The following GDA variants were observed in gnomAD, a reference collection of about 807,000 sequenced individuals.
GDA encodes guanine deaminase.
GDA carries 18 observed loss-of-function variants against 59.6 expected under a neutral mutation model. The observed-to-expected ratio is 0.30, with a 90% CI of 0.21 to 0.45. The LOEUF is 0.45. GDA is among the 20% of genes least tolerant of loss of function. The pLI is 1.00. For synonymous variants in GDA, 201 were observed against 201.1 expected, an observed-to-expected ratio of 1.00 and a Z score of 0.00; for missense variants, 427 against 552.3, an observed-to-expected ratio of 0.77 and a Z score of 2.27.
At chr9:72,158,220 T>A (rs139149503) in intron 1 of GDA, among the ~76,000 whole-genome samples, 4 of 152,266 alleles carry the variant, frequency 2.6e-5, no homozygotes, top group African/African-American at 9.6e-5. Flanking sequence ...AGAGTCAGAT[T>A]ATGTGAATTC....
chr9:72,210,827 A>G (rs1835261403), intron 4 of GDA, 53 bp downstream of exon 4: 3 of 1,092,752 alleles, frequency 2.7e-6, no homozygotes, highest in East Asian at 2.4e-5. Flanking sequence ...CAGCCAGACC[A>G]TCGTGGCAAA....
intron 6 of GDA, 39 bp from the exon 7 acceptor site, chr9:72,223,081 T>G (rs377411916): frequency 1.0e-6 from 1 of 990,562 alleles, no homozygotes; most frequent in East Asian, 2.4e-5. Flanking sequence ...TTGTATATGA[T>G]GTAAGGAAGA....
chr9:72,118,273 C>CAAAAAAA (rs373179585), intron 1 of GDA, among the ~76,000 whole-genome samples: 767 of 66,118 alleles, frequency 0.012, 27 homozygotes, highest in Middle Eastern at 0.036. Context: ...GACTCCACCT[C>CAAAAAAA]AAAAAAAAAA....
chr9:72,183,971 A>G (rs1831577094), intron 1 of GDA, among the ~76,000 whole-genome samples: 1 of 152,170 alleles, frequency 6.6e-6, no homozygotes, highest in South Asian at 2.1e-4. Flanking sequence ...GACTGTCTAT[A>G]CCTTATACCA....
At chr9:72,169,707 C>G (rs1475704704) in intron 1 of GDA, among the ~76,000 whole-genome samples, 2 of 152,126 alleles carry the variant, frequency 1.3e-5, no homozygotes, top group Non-Finnish European at 2.9e-5. Flanking sequence ...ACAAACTGGA[C>G]CAACATTTTG....
At position 72,193,532 on chromosome 9, in the gene GDA, C is replaced by T. The variant is rs148289294; in HGVS notation, c.124-1968C>T. 2.4e-3 allele frequency among the ~76,000 whole-genome samples: 370 copies of T among 152,376 alleles called. 1 individual carries two copies. The highest frequency in any genetic ancestry group is 4.3e-3 in the Non-Finnish European group (290 of 68,040). The stretch of plus-strand genomic sequence containing the variant: ...GCTCGGGGTAGAGTGACACAAGCAC[C>T]CTTGTGGCCACAATCACCCTTATGG... On this transcript the variant is annotated intron_variant, in intron 1 of 13. Coordinates refer to ENST00000358399, the MANE Select transcript of GDA (RefSeq NM_004293.5).
chr9:72,149,422 G>T, upstream of GDA: 1 of 1,029,886 alleles, frequency 9.7e-7, no homozygotes, highest in South Asian at 1.7e-5. Flanking sequence ...ACCGGCAACC[G>T]CCCGGGTAAG....
chr9:72,215,774 G>A (rs1384440677), intron 5 of GDA, among the ~76,000 whole-genome samples: 2 of 152,098 alleles, frequency 1.3e-5, no homozygotes, highest in Non-Finnish European at 2.9e-5. Context: ...AGCCTACTTT[G>A]GAAAGATTTC....
chr9:72,149,516 C>A lies in GDA; in HGVS notation c.-44C>A. ...AGTCCCGCTGCGTCTCCGCCGCGTG[C>A]GCCCTCCTCGACCAGCAGACCCGCG... On this transcript the variant is annotated 5_prime_UTR_variant, in exon 1 of 14. Transcript: ENST00000358399. 1 of 1,600,960 alleles carries A rather than the reference C, an allele frequency of 6.2e-7. No individual in the cohort carries two copies.
At chr9:72,151,526 G>T (rs892139107) in intron 1 of GDA, among the ~76,000 whole-genome samples, 1 of 151,806 alleles carries the variant, frequency 6.6e-6, no homozygotes, top group Non-Finnish European at 1.5e-5. Flanking sequence ...AACATTTCAA[G>T]GTTCAAAAAA....
chr9:72,225,210 G>A (rs1837399850), intron 7 of GDA, among the ~76,000 whole-genome samples: 1 of 152,204 alleles, frequency 6.6e-6, no homozygotes, highest in Non-Finnish European at 1.5e-5. Flanking sequence ...GAACCTGGGA[G>A]GCAGAGGTTG....
upstream of GDA, among the ~76,000 whole-genome samples, chr9:72,144,603 G>A (rs1826555374): frequency 6.6e-6 from 1 of 152,118 alleles, no homozygotes; most frequent in Non-Finnish European, 1.5e-5. Context: ...TATTTATAGG[G>A]ACTAGCACTA....
rs869237933 is a variant in GDA, at chr9:72,192,223, C to CTTTTTTTT, written c.124-3256_124-3249dup. ...CTCTGACTGTGTATTTTCAAATAGCCTTTTTTTTTTTTTTTTTTTTTTTTT... is the reference window on the plus strand; with the variant it reads ...CTCTGACTGTGTATTTTCAAATAGCCTTTTTTTTTTTTTTTTTTTTTTTTTTTTTTTTT... On this transcript the variant is annotated intron_variant, in intron 1 of 13. Coordinates refer to ENST00000358399, the MANE Select transcript of GDA (RefSeq NM_004293.5). Among the ~76,000 whole-genome samples, 6 of 46,278 alleles carry CTTTTTTTT rather than the reference C, an allele frequency of 1.3e-4. 2 individuals are homozygous for CTTTTTTTT. The highest frequency in any genetic ancestry group is 4.4e-4 in the African/African-American group (5 of 11,456). The allele number at this position is 46,278 out of a possible 152,430, so 30.4% of individuals were successfully genotyped here.
At chr9:72,201,390 CATT>C in intron 2 of GDA, among the ~76,000 whole-genome samples, 1 of 152,246 alleles carries the variant, frequency 6.6e-6, no homozygotes, top group East Asian at 1.9e-4. Context: ...CTGTCACCAT[CATT>C]ATTATAATAA....
intron 1 of GDA, among the ~76,000 whole-genome samples, chr9:72,118,089 G>A (rs1825520243): frequency 6.6e-6 from 1 of 151,728 alleles, no homozygotes; most frequent in African/African-American, 2.4e-5. Context: ...TGGCTAACAT[G>A]GTGAAACCCC....
chr9:72,146,010 A>C (rs1203508848), upstream of GDA, among the ~76,000 whole-genome samples: 2 of 152,190 alleles, frequency 1.3e-5, no homozygotes, highest in Admixed American at 1.3e-4. Flanking sequence ...ATGGTCCTTC[A>C]GAAAAACACA....
chr9:72,187,288 C>T (rs1244757895), intron 1 of GDA, among the ~76,000 whole-genome samples: 3 of 152,140 alleles, frequency 2.0e-5, no homozygotes, highest in African/African-American at 7.2e-5. Context: ...GTGATTAGGC[C>T]GTGAGGACAG....
chr9:72,192,395 C>T (rs919201347), intron 1 of GDA, among the ~76,000 whole-genome samples: 1 of 150,854 alleles, frequency 6.6e-6, no homozygotes, highest in Admixed American at 6.6e-5. Flanking sequence ...CCACGCCCAG[C>T]TAATTTTTGT....
chr9:72,217,065 G>A (rs1186184199), intron 5 of GDA, among the ~76,000 whole-genome samples: 2 of 152,096 alleles, frequency 1.3e-5, no homozygotes, highest in Non-Finnish European at 2.9e-5. Flanking sequence ...GTTGTAAAAC[G>A]CAATAAATCT....
Sources: allele counts gnomAD v4.1 joint callset (sites outside exome capture counted in the v4.1 genomes callset), GRCh38; gene constraint gnomAD v4.1.1; transcripts MANE v1.5; gene names NCBI Gene and HGNC (gene_info 2026-07-23, HGNC 2026-07-21).